GLRB: variants seen among roughly 807,000 people sequenced by gnomAD.
The protein encoded by GLRB is glycine receptor beta.
A neutral mutation model predicts 54.2 loss-of-function variants in GLRB; 33 were observed. The observed-to-expected ratio is 0.61, with a 90% CI of 0.46 to 0.81. The LOEUF is 0.81. Ranked by LOEUF, GLRB falls within the 40% of genes least tolerant of loss-of-function variation. The pLI is 0.00. For synonymous variants in GLRB, 209 were observed against 208.2 expected (o/e 1.00, Z -0.03); for missense variants, 572 against 584.6 (o/e 0.98, Z 0.22).
intron 9 of GLRB, among the ~76,000 whole-genome samples, chr4:157,154,356 G>GT (rs1737141920): frequency 6.7e-6 from 1 of 148,874 alleles, no homozygotes. Flanking sequence ...ATATAGTAAG[G>GT]TTTTCTCTAT....
At chr4:157,100,936 T>A (rs1451738809) in intron 2 of GLRB, among the ~76,000 whole-genome samples, 1 of 152,138 alleles carries the variant, frequency 6.6e-6, no homozygotes, top group African/African-American at 2.4e-5. Context: ...CAACTGTTTT[T>A]GTGGGTTTTG....
chr4:157,167,298 C>G (rs1737746480), intron 9 of GLRB, among the ~76,000 whole-genome samples: 2 of 152,184 alleles, frequency 1.3e-5, no homozygotes, highest in African/African-American at 4.8e-5. Flanking sequence ...AGTCTGTTCT[C>G]CACTTCTATT....
Position 157,096,716 on chromosome 4 carries a change from A to G in GLRB, c.122+18570A>G, listed in dbSNP as rs924880055. Among the ~76,000 whole-genome samples, 107 of 152,296 alleles carry G rather than the reference A, an allele frequency of 7.0e-4. 1 individual carries two copies. The highest frequency in any genetic ancestry group is 2.5e-3 in the African/African-American group (103 of 41,566). On this transcript the variant is annotated intron_variant, in intron 2 of 9. Coordinates refer to ENST00000264428, the MANE Select transcript of GLRB (RefSeq NM_000824.5). ...TCAATGAAGATATCATTCAAATTCA[A>G]CAGAGATAGTCTTCTTGTCTCTGTA...
At chr4:157,077,362 AACTTAAGAGGCACC>A in intron 1 of GLRB, among the ~76,000 whole-genome samples, 7 of 152,178 alleles carry the variant, frequency 4.6e-5, no homozygotes, top group Non-Finnish European at 1.5e-5. Flanking sequence ...CTTTAAAGCT[AACTTAAGAGGCACC>A]TTTTTGGGGC....
intron 2 of GLRB, among the ~76,000 whole-genome samples, chr4:157,085,655 C>A (rs1734382419): frequency 6.6e-6 from 1 of 151,958 alleles, no homozygotes; most frequent in South Asian, 2.1e-4. Context: ...TGCCACCACA[C>A]CCTGCCAATT....
intron 2 of GLRB, among the ~76,000 whole-genome samples, chr4:157,090,919 T>C (rs1255115476): frequency 6.6e-6 from 1 of 152,210 alleles, no homozygotes; most frequent in East Asian, 1.9e-4. Context: ...TCATATTTTA[T>C]CACTGGCAAC....
At chr4:157,077,857 C>T in intron 1 of GLRB, 139 bp from the exon 2 acceptor site, 1 of 559,610 alleles carries the variant, frequency 1.8e-6, no homozygotes, top group Non-Finnish European at 3.2e-6. Flanking sequence ...GAAGTATTAC[C>T]ACATAGGACT....
chr4:157,139,312 A>G (rs1040536894), intron 7 of GLRB, among the ~76,000 whole-genome samples: 9 of 152,092 alleles, frequency 5.9e-5, no homozygotes, highest in Non-Finnish European at 1.3e-4. Context: ...AATATAATCC[A>G]TATATGTTCA....
chr4:157,165,646 T>A (rs1249873612), intron 9 of GLRB, among the ~76,000 whole-genome samples: 2 of 152,002 alleles, frequency 1.3e-5, no homozygotes, highest in Non-Finnish European at 2.9e-5. Flanking sequence ...TTTTTCCCAG[T>A]AAAAGTGGTG....
rs960246518 is a variant in GLRB at position 157,103,086 on chromosome 4, G to T, written c.123-17470G>T. 2.0e-5 allele frequency among the ~76,000 whole-genome samples: 3 copies of T among 150,890 alleles called. No homozygotes were observed. In the South Asian group the frequency reaches 6.3e-4, roughly 32 times the overall value. On this transcript the variant is annotated intron_variant, in intron 2 of 9. Transcript: ENST00000264428. ...GAATCCCTTGAACCCGGGAGGCAAG[G>T]TTGTGGTAAGCTGAGATCACGCCAC... is the stretch of plus-strand genomic sequence containing the variant.
chr4:157,133,322 A>G (rs1736284446), intron 4 of GLRB, among the ~76,000 whole-genome samples: 1 of 151,906 alleles, frequency 6.6e-6, no homozygotes, highest in African/African-American at 2.4e-5. Flanking sequence ...GGCTCAGAGA[A>G]GTTAAATAAC....
At chr4:157,170,093 A>G (rs541279004) in intron 9 of GLRB, among the ~76,000 whole-genome samples, 2 of 152,136 alleles carry the variant, frequency 1.3e-5, no homozygotes, top group African/African-American at 4.8e-5. Flanking sequence ...ATGGTTAAAT[A>G]TTGGAGCAAA....
intron 2 of GLRB, among the ~76,000 whole-genome samples, chr4:157,087,496 T>C (rs556312751): frequency 2.0e-5 from 3 of 152,272 alleles, no homozygotes; most frequent in Admixed American, 6.5e-5. Flanking sequence ...TTGTTTACGA[T>C]TGCTTTGGTA....
intron 8 of GLRB, among the ~76,000 whole-genome samples, chr4:157,146,446 A>G (rs2126589507): frequency 6.6e-6 from 1 of 152,332 alleles, no homozygotes; most frequent in Admixed American, 6.5e-5. Flanking sequence ...AGCAGAAGCA[A>G]GGAAAGCAGT....
chr4:157,078,553 G>A (rs372160841), intron 2 of GLRB, among the ~76,000 whole-genome samples: 5 of 151,676 alleles, frequency 3.3e-5, no homozygotes, highest in Admixed American at 2.6e-4. Context: ...TTATTTAAAA[G>A]TCAGATAGGT....
At position 157,171,999 on chromosome 4, in the gene GLRB, A is replaced by G. The variant is rs1055661191; in HGVS notation, c.*1271A>G. On this transcript the variant is annotated 3_prime_UTR_variant, in exon 10 of 10. Transcript: ENST00000264428. The stretch of plus-strand genomic sequence containing the variant: ...AATTCACATAGATAAACATAAGACT[A>G]AAGAAGTATATTTACATTATCTGGA... 6 of 151,986 alleles carry G rather than the reference A, an allele frequency of 3.9e-5. No individual in the cohort carries two copies. Among genetic ancestry groups the G allele is most frequent in the African/African-American group, 1.4e-4 (6 of 41,556 alleles). 9.4% of individuals were successfully genotyped at this position (151,986 alleles called of 1,614,324 possible). A position where few individuals can be genotyped will look rare whatever the true frequency, so the allele number is the denominator to read the frequency against.
At chr4:157,092,992 C>A (rs2126456782) in intron 2 of GLRB, among the ~76,000 whole-genome samples, 1 of 152,234 alleles carries the variant, frequency 6.6e-6, no homozygotes, top group Admixed American at 6.5e-5. Flanking sequence ...GCTTCCCATT[C>A]CAAGTTTTTT....
At chr4:157,103,865 G>A (rs1735126948) in intron 2 of GLRB, among the ~76,000 whole-genome samples, 1 of 151,858 alleles carries the variant, frequency 6.6e-6, no homozygotes, top group African/African-American at 2.4e-5. Flanking sequence ...ATATAGAAAA[G>A]CAATTGATGT....
chr4:157,146,168 C>A (rs1400764442), intron 8 of GLRB, among the ~76,000 whole-genome samples: 1 of 151,926 alleles, frequency 6.6e-6, no homozygotes, highest in African/African-American at 2.4e-5. Flanking sequence ...AGGCACCCAC[C>A]ACCATGCCCA....
Sources: gnomAD v4.1 joint callset for allele counts (sites outside exome capture counted in the v4.1 genomes callset) on GRCh38, gnomAD v4.1.1 for gene constraint, MANE v1.5 for transcripts, NCBI Gene and HGNC (gene_info 2026-07-23, HGNC 2026-07-21) for gene names.